Variants in FAM110B observed in about 807,000 individuals in gnomAD.
FAM110B encodes the protein family with sequence similarity 110 member B, also known as protein FAM110B.
In FAM110B, 6 loss-of-function variants were observed where a neutral mutation model predicts 20.4. The ratio of observed to expected loss-of-function variants is 0.29; its 90% CI spans 0.16 to 0.58. The LOEUF is 0.58. FAM110B is among the 20% of genes least tolerant of loss of function. The pLI is 0.90. For missense variants in FAM110B, 434 were observed against 498.2 expected, an observed-to-expected ratio of 0.87 and a Z score of 1.23; for synonymous variants, 226 against 214.1, an observed-to-expected ratio of 1.06 and a Z score of -0.49.
At chr8:58,073,307 A>AG (rs1029909454) in intron 2 of FAM110B, among the ~76,000 whole-genome samples, 6 of 152,174 alleles carry the variant, frequency 3.9e-5, no homozygotes, top group Admixed American at 6.5e-5. Flanking sequence ...GATACCAAGG[A>AG]GGGGCAACCA....
chr8:58,056,881 C>T (rs931590432), intron 2 of FAM110B, among the ~76,000 whole-genome samples: 1 of 152,104 alleles, frequency 6.6e-6, no homozygotes, highest in Non-Finnish European at 1.5e-5. Context: ...TGGAACTCTG[C>T]GTGCATGTTC....
chr8:58,017,230 C>T (rs16922891), intron 1 of FAM110B, among the ~76,000 whole-genome samples: 2,036 of 152,246 alleles, frequency 0.013, 59 homozygotes, highest in African/African-American at 0.047. Context: ...GGCATTATGC[C>T]GCTTCATTGA....
intron 2 of FAM110B, among the ~76,000 whole-genome samples, chr8:58,035,286 G>A (rs1168021410): frequency 6.6e-6 from 1 of 152,136 alleles, no homozygotes; most frequent in Non-Finnish European, 1.5e-5. Context: ...ATTAAAGCAA[G>A]CAAATTGAAA....
chr8:58,145,082 C>A (rs564263024), intron 3 of FAM110B, among the ~76,000 whole-genome samples: 1 of 152,156 alleles, frequency 6.6e-6, no homozygotes, highest in Non-Finnish European at 1.5e-5. Context: ...ATATACATAC[C>A]ATGAAGAAAC....
chr8:58,066,782 C>T (rs374838826), intron 2 of FAM110B, among the ~76,000 whole-genome samples: 1 of 152,122 alleles, frequency 6.6e-6, no homozygotes, highest in African/African-American at 2.4e-5. Flanking sequence ...CATGTTGTGG[C>T]TTGAGGTCCC....
rs148980198 is a variant in FAM110B, at chr8:58,075,825, C to T, written c.-325+202C>T. On this transcript the variant is annotated intron_variant, in intron 3 of 3. Coordinates refer to ENST00000519262, the MANE Select transcript of FAM110B (RefSeq NM_001377989.1). ...GAGGTCCTTGCCAGGACCAAAGTAT[C>T]GGTGATGGCTGTTTGCCGTTCCAAG... 5.9e-3 allele frequency among the ~76,000 whole-genome samples: 898 copies of T among 152,286 alleles called. 9 individuals are homozygous for T. The highest frequency in any genetic ancestry group is 0.02 in the African/African-American group (819 of 41,556).
At chr8:58,014,241 G>T (rs71519494) in intron 1 of FAM110B, among the ~76,000 whole-genome samples, 6 of 152,064 alleles carry the variant, frequency 3.9e-5, no homozygotes, top group Admixed American at 2.0e-4. Context: ...GTGGGACTGC[G>T]CAGGGTACTC....
intron 1 of FAM110B, among the ~76,000 whole-genome samples, chr8:58,019,334 C>A: frequency 6.0e-5 from 1 of 16,632 alleles, no homozygotes; most frequent in Non-Finnish European, 9.0e-5. Flanking sequence ...GAGACTCTGT[C>A]TCAAAAAAAA....
chr8:58,006,923 A>ATATT, intron 1 of FAM110B, among the ~76,000 whole-genome samples: 1 of 126,518 alleles, frequency 7.9e-6, no homozygotes, highest in African/African-American at 3.0e-5. Flanking sequence ...ATATATATAT[A>ATATT]TTTTTCCAAA....
intron 3 of FAM110B, among the ~76,000 whole-genome samples, chr8:58,126,704 G>T (rs191636099): frequency 6.8e-4 from 103 of 151,940 alleles, no homozygotes; most frequent in Admixed American, 2.5e-3. Flanking sequence ...CTTTTTATAT[G>T]CCCTTTGTTG....
intron 3 of FAM110B, among the ~76,000 whole-genome samples, chr8:58,083,047 G>A (rs187792681): frequency 4.6e-5 from 7 of 151,768 alleles, no homozygotes. Flanking sequence ...GATGTTTGTG[G>A]AATTTAATAG....
intron 3 of FAM110B, among the ~76,000 whole-genome samples, chr8:58,141,750 T>G (rs780884388): frequency 1.4e-4 from 21 of 152,216 alleles, no homozygotes; most frequent in Non-Finnish European, 2.8e-4. Flanking sequence ...TCGGGAGAGT[T>G]TGTGCAGAGC....
chr8:58,079,560 T>G (rs1806135477), intron 3 of FAM110B, among the ~76,000 whole-genome samples: 1 of 152,174 alleles, frequency 6.6e-6, no homozygotes. Flanking sequence ...GAAGATCGCT[T>G]CAGACCAGGA....
intron 3 of FAM110B, among the ~76,000 whole-genome samples, chr8:58,117,584 A>C (rs577570672): frequency 6.6e-6 from 1 of 152,224 alleles, no homozygotes; most frequent in South Asian, 2.1e-4. Context: ...TCTTGGGTAA[A>C]GTATTGAATG....
chr8:58,116,927 A>G (rs936051216), intron 3 of FAM110B, among the ~76,000 whole-genome samples: 1 of 152,236 alleles, frequency 6.6e-6, no homozygotes, highest in African/African-American at 2.4e-5. Context: ...CAAGCTTCTT[A>G]ACGCGATGCA....
chr8:58,000,788 G>A (rs991541063), intron 1 of FAM110B, among the ~76,000 whole-genome samples: 9 of 152,182 alleles, frequency 5.9e-5, no homozygotes, highest in Non-Finnish European at 1.0e-4. Flanking sequence ...GGTGAGAGTT[G>A]GGAGGTTCAT....
chr8:58,032,701 A>T (rs1804990913), intron 2 of FAM110B: 1 of 152,174 alleles, frequency 6.6e-6, no homozygotes, highest in African/African-American at 2.4e-5. Flanking sequence ...TTTTGTAGTC[A>T]CTTTGTAGTC....
intron 2 of FAM110B, among the ~76,000 whole-genome samples, chr8:58,069,424 C>G (rs1423843462): frequency 6.6e-6 from 1 of 152,304 alleles, no homozygotes; most frequent in South Asian, 2.1e-4. Context: ...TAATGGAGAT[C>G]CAGAACTGTA....
intron 3 of FAM110B, among the ~76,000 whole-genome samples, chr8:58,105,413 G>A (rs1397442761): frequency 6.6e-6 from 1 of 152,164 alleles, no homozygotes; most frequent in Non-Finnish European, 1.5e-5. Flanking sequence ...GTCAGGCACA[G>A]TGGCTCACAT....
Sources: allele counts gnomAD v4.1 joint callset (sites outside exome capture counted in the v4.1 genomes callset), GRCh38; gene constraint gnomAD v4.1.1; transcripts MANE v1.5; gene names NCBI Gene and HGNC (gene_info 2026-07-23, HGNC 2026-07-21).